The following ANKRD33B variants were observed in gnomAD, a reference collection of about 807,000 sequenced individuals.
ANKRD33B encodes ankyrin repeat domain-containing protein 33B.
Under a neutral mutation model 21.5 loss-of-function variants are expected in ANKRD33B, and 6 were observed. The ratio of observed to expected loss-of-function variants is 0.28; its 90% CI spans 0.15 to 0.55. The LOEUF (loss-of-function observed/expected upper bound fraction) is 0.55. Ranked by LOEUF, ANKRD33B falls within the 20% of genes least tolerant of loss-of-function variation. The probability of loss-of-function intolerance (pLI) is 0.94; values close to 1 mark genes in which losing one functional copy is unlikely to be tolerated. For synonymous variants in ANKRD33B, 347 were observed against 342.4 expected, an observed-to-expected ratio of 1.01 and a Z score of -0.15; for missense variants, 698 against 747.2, an observed-to-expected ratio of 0.93 and a Z score of 0.77.
At chr5:10,584,638 T>C (rs1485696052) in intron 1 of ANKRD33B, among the ~76,000 whole-genome samples, 2 of 152,222 alleles carry the variant, frequency 1.3e-5, no homozygotes, top group African/African-American at 4.8e-5. Flanking sequence ...TTCAGTTTAA[T>C]GTATTTATTT....
At chr5:10,584,604 G>T (rs965006788) in intron 1 of ANKRD33B, among the ~76,000 whole-genome samples, 16 of 152,064 alleles carry the variant, frequency 1.1e-4, no homozygotes, top group Non-Finnish European at 2.1e-4. Flanking sequence ...TAAGCCTCTT[G>T]ATTCAGCATG....
intron 2 of ANKRD33B, among the ~76,000 whole-genome samples, chr5:10,631,851 A>G (rs559976239): frequency 1.3e-4 from 20 of 152,326 alleles, no homozygotes; most frequent in Admixed American, 1.3e-3. Context: ...GACCTGCCGG[A>G]CGCACTCCAA....
chr5:10,580,560 A>C (rs903132585), intron 1 of ANKRD33B, among the ~76,000 whole-genome samples: 1 of 151,992 alleles, frequency 6.6e-6, no homozygotes, highest in Non-Finnish European at 1.5e-5. Context: ...TTTTCTGAAG[A>C]GAAGGTTGCA....
chr5:10,582,669 G>C (rs1735467506), intron 1 of ANKRD33B, among the ~76,000 whole-genome samples: 1 of 152,196 alleles, frequency 6.6e-6, no homozygotes, highest in African/African-American at 2.4e-5. Flanking sequence ...TGTGCTGCCT[G>C]CTCCCTGTTC....
In ANKRD33B at chr5:10,656,909, C is replaced by G. The variant is rs1469128827; in HGVS notation, c.*6796C>G. ...TATGTATTAGACACTCTAATCAATGCTAACACAGTTCAGTTTTTGAGGGAA... is the reference window on the plus strand; with the variant it reads ...TATGTATTAGACACTCTAATCAATGGTAACACAGTTCAGTTTTTGAGGGAA... On this transcript the variant is annotated 3_prime_UTR_variant, in exon 4 of 4. Coordinates refer to ENST00000296657, the MANE Select transcript of ANKRD33B (RefSeq NM_001164440.2). 2.6e-5 allele frequency: 4 copies of G among 152,150 alleles called. No individual in the cohort carries two copies. The highest frequency in any genetic ancestry group is 9.7e-5 in the African/African-American group (4 of 41,356). 9.4% of individuals were successfully genotyped at this position (152,150 alleles called of 1,614,324 possible). A position where few individuals can be genotyped will look rare whatever the true frequency, so the allele number is the denominator to read the frequency against.
At chr5:10,608,237 A>G (rs1165100422) in intron 1 of ANKRD33B, among the ~76,000 whole-genome samples, 1 of 151,124 alleles carries the variant, frequency 6.6e-6, no homozygotes, top group South Asian at 2.1e-4. Flanking sequence ...GCATGACTGT[A>G]GTCTCAGCTA....
intron 1 of ANKRD33B, among the ~76,000 whole-genome samples, chr5:10,569,185 G>A (rs1180650179): frequency 6.6e-6 from 1 of 152,208 alleles, no homozygotes; most frequent in Admixed American, 6.5e-5. Context: ...ACAGCAACGG[G>A]CTGACTAGCA....
intron 1 of ANKRD33B, among the ~76,000 whole-genome samples, chr5:10,610,814 G>A (rs556727810): frequency 1.3e-3 from 204 of 152,328 alleles, no homozygotes; most frequent in African/African-American, 4.3e-3. Flanking sequence ...GGAGGCCGAG[G>A]TGGGTGGATC....
chr5:10,624,334 A>T lies in ANKRD33B; in HGVS notation c.496+5872A>T, dbSNP rs188870070. ...CAGCAGAGGCGGGGTTTCACCATGTAGGCCAGACTGGTTTTGAACTCCTGA... is the reference window on the plus strand; with the variant it reads ...CAGCAGAGGCGGGGTTTCACCATGTTGGCCAGACTGGTTTTGAACTCCTGA... On this transcript the variant is annotated intron_variant, in intron 2 of 3. Coordinates refer to ENST00000296657, the MANE Select transcript of ANKRD33B (RefSeq NM_001164440.2). 4.3e-3 allele frequency among the ~76,000 whole-genome samples: 647 copies of T among 152,162 alleles called. 7 individuals carry two copies. The highest frequency in any genetic ancestry group is 0.015 in the African/African-American group (605 of 41,540).
chr5:10,613,301 T>C (rs1283813922), intron 1 of ANKRD33B, among the ~76,000 whole-genome samples: 1 of 93,988 alleles, frequency 1.1e-5, no homozygotes, highest in Non-Finnish European at 2.2e-5. Flanking sequence ...TTTTTTTTTT[T>C]TGAGATAGAG....
chr5:10,587,976 T>G (rs1019443578), intron 1 of ANKRD33B, among the ~76,000 whole-genome samples: 1 of 152,210 alleles, frequency 6.6e-6, no homozygotes, highest in Non-Finnish European at 1.5e-5. Context: ...AGAAGGTATA[T>G]TATTGGTATG....
At chr5:10,574,612 A>G (rs903309269) in intron 1 of ANKRD33B, among the ~76,000 whole-genome samples, 1 of 152,240 alleles carries the variant, frequency 6.6e-6, no homozygotes, top group Admixed American at 6.5e-5. Context: ...AATCATGAAG[A>G]TTATAGATCC....
chr5:10,618,594 G>A (rs1736343242), intron 2 of ANKRD33B, 132 bp downstream of exon 2: 11 of 1,314,562 alleles, frequency 8.4e-6, no homozygotes, highest in Admixed American at 5.8e-5. Flanking sequence ...AGGGGTGCCA[G>A]GGAAGGGCTG....
chr5:10,613,398 C>T (rs564738150), intron 1 of ANKRD33B, among the ~76,000 whole-genome samples: 17 of 151,712 alleles, frequency 1.1e-4, no homozygotes, highest in Non-Finnish European at 1.9e-4. Context: ...CATTCTCCTA[C>T]CTCAGCCTCC....
chr5:10,651,330 G>A lies in ANKRD33B; in HGVS notation c.*1217G>A, dbSNP rs563030141. 3 of 152,452 alleles carry A rather than the reference G, an allele frequency of 2.0e-5. No homozygotes were observed. Among genetic ancestry groups the A allele is most frequent in the Non-Finnish European group, 2.9e-5 (2 of 68,040 alleles). The allele number at this position is 152,452 out of a possible 1,614,324, so 9.4% of individuals were successfully genotyped here. On this transcript the variant is annotated 3_prime_UTR_variant, in exon 4 of 4. Coordinates refer to ENST00000296657, the MANE Select transcript of ANKRD33B (RefSeq NM_001164440.2). ...AAGATGCAGGGCCTTGGGCAGGGCA[G>A]GGCATGGGTGTGATTTGCCTTGGGC...
intron 1 of ANKRD33B, among the ~76,000 whole-genome samples, chr5:10,570,453 A>AGG (rs1480093614): frequency 6.7e-6 from 1 of 150,226 alleles, no homozygotes; most frequent in Admixed American, 6.6e-5. Flanking sequence ...TTTCCATGGC[A>AGG]GGGGCAGGGT....
At chr5:10,620,875 A>T (rs1011788232) in intron 2 of ANKRD33B, among the ~76,000 whole-genome samples, 3 of 152,194 alleles carry the variant, frequency 2.0e-5, no homozygotes, top group Non-Finnish European at 2.9e-5. Context: ...GCAAGGTGAT[A>T]CTTAGAGATT....
intron 1 of ANKRD33B, among the ~76,000 whole-genome samples, chr5:10,592,462 A>G (rs1225851982): frequency 6.7e-6 from 1 of 150,030 alleles, no homozygotes; most frequent in Non-Finnish European, 1.5e-5. Context: ...AAAAAAAAAA[A>G]AAAAAAAAAA....
chr5:10,584,641 A>G (rs923083344), intron 1 of ANKRD33B, among the ~76,000 whole-genome samples: 8 of 152,158 alleles, frequency 5.3e-5, no homozygotes, highest in African/African-American at 7.2e-5. Flanking sequence ...AGTTTAATGT[A>G]TTTATTTATT....
Sources: allele counts gnomAD v4.1 joint callset (sites outside exome capture counted in the v4.1 genomes callset), GRCh38; gene constraint gnomAD v4.1.1; transcripts MANE v1.5; gene names NCBI Gene and HGNC (gene_info 2026-07-23, HGNC 2026-07-21).